The following MMD2 variants were observed in gnomAD, a reference collection of about 807,000 sequenced individuals.
MMD2 encodes the protein monocyte to macrophage differentiation factor 2.
MMD2 carries 30 observed loss-of-function variants against 33.5 expected under a neutral mutation model. The ratio of observed to expected loss-of-function variants is 0.90; its 90% CI spans 0.67 to 1.22. The LOEUF (loss-of-function observed/expected upper bound fraction) is 1.22. Ranked by LOEUF, MMD2 falls within the 50% of genes most tolerant of loss-of-function variation. The probability of loss-of-function intolerance (pLI) is 0.00; values close to 1 mark genes in which losing one functional copy is unlikely to be tolerated. For synonymous variants in MMD2, 129 were observed against 123.0 expected (o/e 1.05, Z -0.32); for missense variants, 364 against 325.4 (o/e 1.12, Z -0.91).
At chr7:4,957,721 C>T (rs1786426317) in intron 1 of MMD2, among the ~76,000 whole-genome samples, 1 of 152,028 alleles carries the variant, frequency 6.6e-6, no homozygotes, top group African/African-American at 2.4e-5. Flanking sequence ...AGGAACTTAT[C>T]CTCAAGTCCT....
chr7:4,937,378 CAGAG>C (rs772480659), intron 1 of MMD2, among the ~76,000 whole-genome samples: 1 of 145,196 alleles, frequency 6.9e-6, no homozygotes, highest in Admixed American at 7.1e-5. Flanking sequence ...GCCTGGGCAA[CAGAG>C]AGAGACTCTG....
At chr7:4,902,007 A>G (rs1335429105), downstream of MMD2, among the ~76,000 whole-genome samples, 8 of 152,172 alleles carry the variant, frequency 5.3e-5, no homozygotes, top group East Asian at 1.5e-3. Flanking sequence ...GCTGGAGTGC[A>G]GTGGCGCAAT....
Position 4,906,266 on chromosome 7 carries a change from G to A in MMD2, c.*1130C>T, listed in dbSNP as rs568810065. 2.1e-4 allele frequency: 82 copies of A among 382,830 alleles called. No homozygotes were observed. Among genetic ancestry groups the A allele is most frequent in the African/African-American group, 1.5e-3 (73 of 48,394 alleles). The allele number at this position is 382,830 out of a possible 1,614,324, so 23.7% of individuals were successfully genotyped here. Reference sequence around the variant, plus strand: ...AGCATTGGACAGAGAGGCTGGCCCCGCCCTGACGGGGGCTGAAGAACAGGC... The same window carrying A: ...AGCATTGGACAGAGAGGCTGGCCCCACCCTGACGGGGGCTGAAGAACAGGC... On this transcript the variant is annotated 3_prime_UTR_variant, in exon 7 of 7. Coordinates refer to ENST00000401401, the MANE Select transcript of MMD2 (RefSeq NM_198403.4).
chr7:4,941,664 T>C (rs944610810), intron 1 of MMD2, among the ~76,000 whole-genome samples: 1 of 151,208 alleles, frequency 6.6e-6, no homozygotes. Flanking sequence ...TTTTAAACAG[T>C]GGAATACTGC....
chr7:4,928,725 T>A (rs1409894424), intron 1 of MMD2, among the ~76,000 whole-genome samples: 1 of 150,256 alleles, frequency 6.7e-6, no homozygotes, highest in Non-Finnish European at 1.5e-5. Flanking sequence ...TTAAGCACCC[T>A]CTGTGTGCTG....
the MMD2 span, among the ~76,000 whole-genome samples, chr7:4,900,359 C>T: frequency 1.7e-4 from 26 of 152,138 alleles, no homozygotes; most frequent in East Asian, 5.8e-4. Flanking sequence ...TTCATAAGTG[C>T]GCATATTATC....
In MMD2 at chr7:4,909,957, G is replaced by T; in HGVS notation, c.468-7C>A. The T allele has an allele frequency of 6.2e-7, 1 of 1,613,930 alleles. No individual in the cohort carries two copies. Among genetic ancestry groups the T allele is most frequent in the Non-Finnish European group, 8.5e-7 (1 of 1,179,892 alleles). ...AAGCTCCACAAGCTTGTACCTGGCA[G>T]GAAGACAAGCCGTGCCGGCCTTAGG... is the stretch of plus-strand genomic sequence containing the variant. On this transcript the variant is annotated splice_region_variant and splice_polypyrimidine_tract_variant and intron_variant, in intron 5 of 6. Transcript: ENST00000401401.
At chr7:4,934,701 G>A (rs1030312802) in intron 1 of MMD2, among the ~76,000 whole-genome samples, 2 of 152,198 alleles carry the variant, frequency 1.3e-5, no homozygotes, top group African/African-American at 2.4e-5. Context: ...AGGAGACGAG[G>A]AGAGAATGTT....
intron 1 of MMD2, among the ~76,000 whole-genome samples, chr7:4,943,969 T>C (rs780280677): frequency 6.6e-6 from 1 of 151,502 alleles, no homozygotes. Flanking sequence ...CCCCAACTAA[T>C]TTTCTCTTTA....
intron 3 of MMD2, among the ~76,000 whole-genome samples, chr7:4,918,975 T>A (rs191827200): frequency 5.3e-5 from 8 of 152,014 alleles, no homozygotes; most frequent in Admixed American, 1.3e-4. Flanking sequence ...GGTGCATGCC[T>A]GTAGTCCCAG....
At chr7:4,917,277 A>C (rs1299389293) in intron 3 of MMD2, among the ~76,000 whole-genome samples, 5 of 152,118 alleles carry the variant, frequency 3.3e-5, no homozygotes, top group Non-Finnish European at 7.3e-5. Context: ...TCTCTGTAAA[A>C]CACGGAGGAT....
rs112314001 is a variant in MMD2 at position 4,947,939 on chromosome 7, C to A, written c.47+11032G>T. On this transcript the variant is annotated intron_variant, in intron 1 of 6. Coordinates refer to ENST00000401401, the MANE Select transcript of MMD2 (RefSeq NM_198403.4). ...GGTCTTGATCTCCCGACCTGGTGAT[C>A]CACCCACCTCAGCCTCCCAAAGTGC... Among the ~76,000 whole-genome samples the A allele has an allele frequency of 1.3e-3, 199 of 152,102 alleles. 2 individuals are homozygous for A. Among genetic ancestry groups the A allele is most frequent in the African/African-American group, 4.4e-3 (184 of 41,518 alleles).
intron 2 of MMD2, 77 bp from the exon 3 acceptor site, chr7:4,920,408 G>C: frequency 6.7e-7 from 1 of 1,489,134 alleles, no homozygotes; most frequent in Non-Finnish European, 9.1e-7. Context: ...TTCCCCGGCT[G>C]AGCTGCCCAA....
chr7:4,895,384 T>G, the MMD2 span, among the ~76,000 whole-genome samples: 1 of 151,994 alleles, frequency 6.6e-6, no homozygotes, highest in Admixed American at 6.6e-5. Context: ...CCAGCTGAAG[T>G]CTTTTTATGG....
downstream of MMD2, among the ~76,000 whole-genome samples, chr7:4,902,457 T>C (rs531789117): frequency 8.5e-5 from 13 of 152,270 alleles, no homozygotes; most frequent in African/African-American, 2.6e-4. Flanking sequence ...GGCTTTGGCT[T>C]CCTGCTTTGT....
At chr7:4,947,317 A>G (rs1381644758) in intron 1 of MMD2, among the ~76,000 whole-genome samples, 1 of 152,102 alleles carries the variant, frequency 6.6e-6, no homozygotes, top group Non-Finnish European at 1.5e-5. Flanking sequence ...GAAGTTCCCA[A>G]TCATGGCAGA....
intron 1 of MMD2, among the ~76,000 whole-genome samples, chr7:4,930,799 C>T (rs370320527): frequency 4.6e-5 from 7 of 152,260 alleles, no homozygotes; most frequent in African/African-American, 1.7e-4. Context: ...CCTGTGATTC[C>T]AGCCCTCGGA....
chr7:4,950,580 G>C (rs1562496598), intron 1 of MMD2, among the ~76,000 whole-genome samples: 1 of 152,150 alleles, frequency 6.6e-6, no homozygotes, highest in East Asian at 1.9e-4. Context: ...AGGGACCTCA[G>C]ATAAGTGGAA....
intron 1 of MMD2, among the ~76,000 whole-genome samples, chr7:4,939,286 C>G (rs528820940): frequency 6.6e-6 from 1 of 152,006 alleles, no homozygotes; most frequent in Admixed American, 6.6e-5. Context: ...TGGCTCGTGC[C>G]TGTAATCCCA....
Sources: allele counts gnomAD v4.1 joint callset (sites outside exome capture counted in the v4.1 genomes callset), GRCh38; gene constraint gnomAD v4.1.1; transcripts MANE v1.5; gene names NCBI Gene and HGNC (gene_info 2026-07-23, HGNC 2026-07-21).